Variants in PLCL1 observed in about 807,000 individuals in gnomAD.
The protein encoded by PLCL1 is inactive phospholipase C-like protein 1.
PLCL1 carries 41 observed loss-of-function variants against 84.4 expected under a neutral mutation model. That is an observed-to-expected ratio of 0.49 (90% CI 0.38 to 0.63). The LOEUF is 0.63. Among genes scored for constraint, PLCL1 ranks in the 30% least tolerant of loss-of-function variants. PLCL1 has a pLI of 0.00. For synonymous variants in PLCL1, 490 were observed against 488.3 expected, an observed-to-expected ratio of 1.00 and a Z score of -0.05; for missense variants, 1,206 against 1,367.8, an observed-to-expected ratio of 0.88 and a Z score of 1.87.
intron 1 of PLCL1, among the ~76,000 whole-genome samples, chr2:198,070,844 T>A (rs2105884969): frequency 6.6e-6 from 1 of 152,120 alleles, no homozygotes; most frequent in Non-Finnish European, 1.5e-5. Context: ...ATTATAGGAC[T>A]AATGCTTTCT....
intron 1 of PLCL1, among the ~76,000 whole-genome samples, chr2:197,920,811 T>C (rs148240433): frequency 6.6e-6 from 1 of 152,262 alleles, no homozygotes; most frequent in South Asian, 2.1e-4. Flanking sequence ...CAAGCCAATG[T>C]AATGTTCTTT....
chr2:198,103,216 G>T lies in PLCL1; in HGVS notation c.2996-611G>T, dbSNP rs190504965. 3.9e-5 allele frequency among the ~76,000 whole-genome samples: 6 copies of T among 152,068 alleles called. No individual in the cohort carries two copies. In the East Asian group the frequency reaches 1.2e-3, roughly 30 times the overall value. ...GACCATTTCATGCATAAACCAGGAAGAGGACAAACAAGGTCCATGTAACCT... is the reference window on the plus strand; with the variant it reads ...GACCATTTCATGCATAAACCAGGAATAGGACAAACAAGGTCCATGTAACCT... On this transcript the variant is annotated intron_variant, in intron 4 of 5. Transcript: ENST00000428675.
chr2:197,995,477 A>G (rs1690438610), intron 1 of PLCL1, among the ~76,000 whole-genome samples: 1 of 152,156 alleles, frequency 6.6e-6, no homozygotes, highest in Non-Finnish European at 1.5e-5. Flanking sequence ...TACATGTCAG[A>G]CAGGAGACAC....
At chr2:198,063,085 G>T (rs1472494404) in intron 1 of PLCL1, among the ~76,000 whole-genome samples, 1 of 152,148 alleles carries the variant, frequency 6.6e-6, no homozygotes, top group East Asian at 1.9e-4. Flanking sequence ...ACACATCTGG[G>T]TTCCAGTCTC....
intron 1 of PLCL1, among the ~76,000 whole-genome samples, chr2:197,876,907 C>T (rs1425586680): frequency 2.0e-5 from 3 of 152,042 alleles, no homozygotes; most frequent in African/African-American, 4.8e-5. Flanking sequence ...TTTAGATGAG[C>T]GTAAAGCTCT....
intron 1 of PLCL1, among the ~76,000 whole-genome samples, chr2:197,901,842 T>A (rs951012755): frequency 9.2e-5 from 14 of 152,148 alleles, no homozygotes; most frequent in Non-Finnish European, 1.6e-4. Context: ...CCTTTCCAGC[T>A]TGATACAAAA....
intron 1 of PLCL1, among the ~76,000 whole-genome samples, chr2:197,819,839 T>C (rs1263095807): frequency 6.6e-6 from 1 of 151,950 alleles, no homozygotes; most frequent in African/African-American, 2.4e-5. Flanking sequence ...GCTATCATTA[T>C]CACTTCCACC....
intron 1 of PLCL1, among the ~76,000 whole-genome samples, chr2:198,064,024 A>G (rs1386875164): frequency 6.6e-6 from 1 of 152,174 alleles, no homozygotes; most frequent in East Asian, 1.9e-4. Context: ...ATTATAGTAC[A>G]TAGCTATGGG....
chr2:197,944,407 A>G (rs1689229296), intron 1 of PLCL1, among the ~76,000 whole-genome samples: 1 of 152,106 alleles, frequency 6.6e-6, no homozygotes, highest in Non-Finnish European at 1.5e-5. Context: ...GCTGTGCCTG[A>G]GTCTCAAGCT....
At chr2:197,987,686 G>A (rs1462334220) in intron 1 of PLCL1, among the ~76,000 whole-genome samples, 1 of 152,154 alleles carries the variant, frequency 6.6e-6, no homozygotes, top group Non-Finnish European at 1.5e-5. Flanking sequence ...TATCATTACT[G>A]AAGAATAACA....
At chr2:197,864,845 C>T (rs1687499589) in intron 1 of PLCL1, among the ~76,000 whole-genome samples, 2 of 152,180 alleles carry the variant, frequency 1.3e-5, no homozygotes, top group Admixed American at 1.3e-4. Context: ...TGTTAAAAAT[C>T]AGCAGTTACA....
intron 1 of PLCL1, among the ~76,000 whole-genome samples, chr2:197,948,402 C>T (rs1405642134): frequency 5.3e-5 from 8 of 152,118 alleles, no homozygotes; most frequent in Non-Finnish European, 8.8e-5. Flanking sequence ...AGACAGTTGC[C>T]TTACTCCTTT....
chr2:198,087,802 T>C (rs979447260), intron 2 of PLCL1, among the ~76,000 whole-genome samples: 5 of 152,154 alleles, frequency 3.3e-5, no homozygotes, highest in Non-Finnish European at 7.4e-5. Context: ...CTTATAAATA[T>C]ATATACCTAC....
intron 5 of PLCL1, among the ~76,000 whole-genome samples, chr2:198,128,975 G>A (rs1007007747): frequency 6.6e-6 from 1 of 152,078 alleles, no homozygotes; most frequent in Non-Finnish European, 1.5e-5. Flanking sequence ...TGAACTGATC[G>A]GCCTTAAAAT....
intron 1 of PLCL1, among the ~76,000 whole-genome samples, chr2:197,875,728 T>TAA (rs966388254): frequency 1.4e-4 from 20 of 146,600 alleles, no homozygotes; most frequent in African/African-American, 4.7e-4. Flanking sequence ...GCATTAGGCT[T>TAA]AAAAAAAAAA....
intron 1 of PLCL1, among the ~76,000 whole-genome samples, chr2:198,023,002 T>C (rs1371918758): frequency 6.6e-6 from 1 of 152,160 alleles, no homozygotes; most frequent in Non-Finnish European, 1.5e-5. Flanking sequence ...CAAACTATAC[T>C]GCAAGGCTAC....
chr2:197,952,523 G>C (rs1405235637), intron 1 of PLCL1, among the ~76,000 whole-genome samples: 1 of 152,134 alleles, frequency 6.6e-6, no homozygotes, highest in East Asian at 1.9e-4. Flanking sequence ...ATTTATTGAT[G>C]CTGAAATTCT....
intron 1 of PLCL1, among the ~76,000 whole-genome samples, chr2:197,999,913 C>T (rs796140196): frequency 4.6e-5 from 7 of 152,152 alleles, no homozygotes; most frequent in African/African-American, 9.6e-5. Flanking sequence ...AAACACATTC[C>T]GTAGGTAGTG....
In PLCL1 at chr2:197,805,232, C is replaced by T; in HGVS notation, c.133C>T (p.Arg45Cys). Residue 45 changes from arginine (R) to cysteine (C), a missense_variant, in exon 1 of 6, where the codon CGT becomes TGT. Coordinates refer to ENST00000428675, the MANE Select transcript of PLCL1 (RefSeq NM_006226.4). This position sits in a 1 kb window ranked among gnomAD's most constrained non-coding sequence, Gnocchi z 4.0. ...TAASGGRMRD[R>C]RSGVALPGAA... Reference sequence around the variant, plus strand: ...GGCCTCTGGGGGCCGGATGAGGGACCGTCGCAGCGGGGTCGCACTGCCAGG... The same window carrying T: ...GGCCTCTGGGGGCCGGATGAGGGACTGTCGCAGCGGGGTCGCACTGCCAGG... The T allele has an allele frequency of 7.9e-7, 1 of 1,272,106 alleles. No homozygotes were observed. Among genetic ancestry groups the T allele is most frequent in the South Asian group, 2.8e-5 (1 of 35,870 alleles). 78.8% of individuals were successfully genotyped at this position (1,272,106 alleles called of 1,614,324 possible).
Sources: gnomAD v4.1 joint callset for allele counts (sites outside exome capture counted in the v4.1 genomes callset) on GRCh38, gnomAD v4.1.1 for gene constraint, Gnocchi (gnomAD v3.1) non-coding constraint, MANE v1.5 for transcripts, NCBI Gene and HGNC (gene_info 2026-07-23, HGNC 2026-07-21) for gene names.